FAT1: variants seen among roughly 807,000 people sequenced by gnomAD.
FAT1 encodes the protein FAT atypical cadherin 1, also known as protocadherin Fat 1.
FAT1 carries 171 observed loss-of-function variants against 329.8 expected under a neutral mutation model. The observed-to-expected ratio is 0.52, with a 90% CI of 0.46 to 0.59. The LOEUF (loss-of-function observed/expected upper bound fraction) is 0.59. Ranked by LOEUF, FAT1 falls within the 20% of genes least tolerant of loss-of-function variation. The pLI, the probability that FAT1 is intolerant of heterozygous loss-of-function variation, is 0.00. For synonymous variants in FAT1, 2,233 were observed against 2,228.6 expected (o/e 1.00, Z -0.06); for missense variants, 5,672 against 5,774.4 (o/e 0.98, Z 0.57).
At position 186,628,766 on chromosome 4, in the gene FAT1, G is replaced by A. The variant is rs1173282469; in HGVS notation, c.4324-3C>T. ...GTGTCTATTACTTTGATGAATACCTGTAATGGATGACAAAATGACTCATAC... is the reference window on the plus strand; with the variant it reads ...GTGTCTATTACTTTGATGAATACCTATAATGGATGACAAAATGACTCATAC... On this transcript the variant is annotated splice_region_variant and splice_polypyrimidine_tract_variant and intron_variant, in intron 7 of 26. Transcript: ENST00000441802. The A allele has an allele frequency of 5.0e-6, 8 of 1,609,694 alleles. No individual in the cohort carries two copies. The highest frequency in any genetic ancestry group is 6.8e-6 in the Non-Finnish European group (8 of 1,178,318).
rs2126617947 is a variant in FAT1, at chr4:186,663,497, C to T, written c.3382G>A (p.Glu1128Lys). 1.2e-6 allele frequency: 2 copies of T among 1,614,026 alleles called. No individual in the cohort carries two copies. The highest frequency in any genetic ancestry group is 1.1e-5 in the South Asian group (1 of 91,082). Residue 1128 changes from glutamate (E) to lysine (K), a missense_variant, in exon 3 of 27, where the codon GAG becomes AAG. Physicochemically the swap from Glu to Lys is moderately conservative, Grantham distance 56 (BLOSUM62 1). Transcript: ENST00000441802. ...PLSSFIEIYI[E>K]VEDVNDNAPQ... Reference sequence around the variant, plus strand: ...GCATTGTCATTGACATCCTCAACCTCTATGTAGATCTCTATGAACGATGAA... The same window carrying T: ...GCATTGTCATTGACATCCTCAACCTTTATGTAGATCTCTATGAACGATGAA...
At chr4:186,640,710 T>G (rs990628754) in intron 3 of FAT1, among the ~76,000 whole-genome samples, 2 of 152,232 alleles carry the variant, frequency 1.3e-5, no homozygotes, top group Admixed American at 1.3e-4. Context: ...TTTTGACCTC[T>G]CTTGAGAACT....
At chr4:186,661,271 T>G (rs774307948) in intron 3 of FAT1, among the ~76,000 whole-genome samples, 8 of 152,190 alleles carry the variant, frequency 5.3e-5, no homozygotes, top group Non-Finnish European at 7.3e-5. Context: ...TCCTTTCACC[T>G]GCCAAGGCAG....
intron 2 of FAT1, among the ~76,000 whole-genome samples, chr4:186,669,521 A>T (rs535658780): frequency 6.6e-6 from 1 of 152,204 alleles, no homozygotes. Flanking sequence ...TCGAGAATAC[A>T]GTGAAGTTGT....
chr4:186,638,689 A>C (rs1311600452), intron 4 of FAT1, among the ~76,000 whole-genome samples: 1 of 152,164 alleles, frequency 6.6e-6, no homozygotes, highest in African/African-American at 2.4e-5. Flanking sequence ...TGACAACGTT[A>C]AGAAAATTTG....
At chr4:186,646,620 CT>C (rs758227660) in intron 3 of FAT1, among the ~76,000 whole-genome samples, 1 of 151,912 alleles carries the variant, frequency 6.6e-6, no homozygotes, top group Non-Finnish European at 1.5e-5. Context: ...AAACTAAAAA[CT>C]TTAACATCTG....
chr4:186,690,991 T>C (rs1579454722), intron 2 of FAT1, among the ~76,000 whole-genome samples: 1 of 152,326 alleles, frequency 6.6e-6, no homozygotes, highest in African/African-American at 2.4e-5. Context: ...GCTACTAAAA[T>C]ATATAAAATT....
At chr4:186,657,561 G>A (rs1023191184) in intron 3 of FAT1, among the ~76,000 whole-genome samples, 1 of 152,296 alleles carries the variant, frequency 6.6e-6, no homozygotes, top group African/African-American at 2.4e-5. Context: ...CTGCCTGATA[G>A]TGGTGATGTT....
At chr4:186,689,777 ATGCACACC>A (rs1274092608) in intron 2 of FAT1, among the ~76,000 whole-genome samples, 2 of 152,126 alleles carry the variant, frequency 1.3e-5, no homozygotes, top group Non-Finnish European at 2.9e-5. Flanking sequence ...CCACAAGGGC[ATGCACACC>A]CGCCACACGA....
intron 3 of FAT1, among the ~76,000 whole-genome samples, chr4:186,660,869 A>G (rs1742134650): frequency 6.6e-6 from 1 of 152,122 alleles, no homozygotes; most frequent in Non-Finnish European, 1.5e-5. Flanking sequence ...AAGCTATATA[A>G]TCTCCTCAGT....
intron 7 of FAT1, among the ~76,000 whole-genome samples, chr4:186,629,534 C>T (rs1225186750): frequency 3.3e-5 from 5 of 152,258 alleles, no homozygotes; most frequent in Admixed American, 6.5e-5. Flanking sequence ...TTTGGCACAG[C>T]GGAAATCACT....
chr4:186,693,972 C>T (rs1399004532), intron 2 of FAT1, among the ~76,000 whole-genome samples: 1 of 151,976 alleles, frequency 6.6e-6, no homozygotes, highest in African/African-American at 2.4e-5. Context: ...CTTCACAACA[C>T]TCAACCTCTC....
At position 186,636,172 on chromosome 4, in the gene FAT1, TC is replaced by T; in HGVS notation, c.4035del (p.Trp1345Ter). ...TCCAGGGACGGTTTGGGCTTGGAGA[TC>T]CATTCAATATGGAGTCTGGTGGTTG... ...KSSTTRLHIE[W>X]ISKPKPSLEP... On this transcript the variant is annotated frameshift_variant, in exon 6 of 27. Transcript: ENST00000441802. LOFTEE classifies it high-confidence loss of function. The T allele has an allele frequency of 6.2e-7, 1 of 1,613,976 alleles. No homozygotes were observed. The highest frequency in any genetic ancestry group is 8.5e-7 in the Non-Finnish European group (1 of 1,179,888).
intron 26 of FAT1, among the ~76,000 whole-genome samples, chr4:186,593,904 C>A (rs367850335): frequency 3.3e-5 from 5 of 152,070 alleles, no homozygotes; most frequent in Non-Finnish European, 7.4e-5. Flanking sequence ...GGGAATACGA[C>A]GCAGGAACAG....
At chr4:186,647,621 G>A (rs1327205736) in intron 3 of FAT1, among the ~76,000 whole-genome samples, 2 of 152,232 alleles carry the variant, frequency 1.3e-5, no homozygotes, top group South Asian at 2.1e-4. Flanking sequence ...CCTTTCTCAC[G>A]ATGTTGTATT....
chr4:186,599,782 G>A, intron 22 of FAT1, 116 bp downstream of exon 22: 2 of 804,638 alleles, frequency 2.5e-6, no homozygotes, highest in Admixed American at 5.8e-5. Context: ...ACTGACTGCA[G>A]TGTCTGACAA....
rs1357031500 is a variant in FAT1 at position 186,621,049 on chromosome 4, G to A, written c.5537C>T (p.Thr1846Ile). Residue 1846 changes from threonine (T) to isoleucine (I), a missense_variant, in exon 10 of 27, where the codon ACC becomes ATC. Thr to Ile is a moderately conservative substitution (Grantham distance 89). Around this residue, in one of 2 missense-constraint regions of FAT1, gnomAD observed 3,966 missense variants for 3,915.2 expected, o/e 1.01. Transcript: ENST00000441802. ...DYEETSIFHF[T>I]VQVHDMGTPR... is the part of the protein sequence containing the mutation. ...GGTTCCCATGTCATGCACTTGGACG[G>A]TAAAGTGAAAAATACTTGTTTCTTC... 1.9e-6 allele frequency: 3 copies of A among 1,612,794 alleles called. No homozygotes were observed. The highest frequency in any genetic ancestry group is 3.3e-5 in the Admixed American group (2 of 60,022).
intron 2 of FAT1, among the ~76,000 whole-genome samples, chr4:186,692,354 C>T (rs966064160): frequency 2.4e-4 from 37 of 151,822 alleles, no homozygotes; most frequent in African/African-American, 9.0e-4. Context: ...GCTCTGTCGC[C>T]CAGGCTGGAG....
At chr4:186,674,339 T>G (rs1282606181) in intron 2 of FAT1, among the ~76,000 whole-genome samples, 1 of 152,200 alleles carries the variant, frequency 6.6e-6, no homozygotes, top group Non-Finnish European at 1.5e-5. Context: ...GCCTGAAAAG[T>G]TAAGGAAGTC....
Sources: gnomAD v4.1 joint callset for allele counts (sites outside exome capture counted in the v4.1 genomes callset) on GRCh38, gnomAD v4.1.1 for gene constraint, gnomAD v4.1.1 regional missense constraint, MANE v1.5 for transcripts, NCBI Gene and HGNC (gene_info 2026-07-23, HGNC 2026-07-21) for gene names.